Variants in SLC35G2 observed in about 807,000 individuals in gnomAD.
SLC35G2 encodes solute carrier family 35 member G2.
Under a neutral mutation model 27.2 loss-of-function variants are expected in SLC35G2, and 20 were observed. That is an observed-to-expected ratio of 0.74 (90% CI 0.52 to 1.07). The LOEUF is 1.07. Ranked by LOEUF, SLC35G2 falls within the 50% of genes least tolerant of loss-of-function variation. The probability of loss-of-function intolerance (pLI) is 0.00; values close to 1 mark genes in which losing one functional copy is unlikely to be tolerated. For synonymous variants in SLC35G2, 148 were observed against 165.3 expected (o/e 0.90, Z 0.80); for missense variants, 416 against 493.3 (o/e 0.84, Z 1.48).
At chr3:136,834,019 T>C (rs1413624382) in intron 1 of SLC35G2, among the ~76,000 whole-genome samples, 4 of 151,812 alleles carry the variant, frequency 2.6e-5, no homozygotes, top group African/African-American at 9.7e-5. Flanking sequence ...TTATTAAATA[T>C]ATGTTAATAT....
Position 136,855,326 on chromosome 3 carries a change from T to C in SLC35G2, c.866T>C (p.Phe289Ser). Residue 289 changes from phenylalanine to serine, a missense_variant, in exon 2 of 2, where the codon TTT becomes TCT. Transcript: ENST00000446465. Reference protein sequence around the residue: ...KEKISMWTALFTFGWTGTIWG... With the variant: ...KEKISMWTALSTFGWTGTIWG... ...AAGATCAGCATGTGGACTGCACTGTTTACTTTTGGTTGGACTGGGACAATT... is the reference window on the plus strand; with the variant it reads ...AAGATCAGCATGTGGACTGCACTGTCTACTTTTGGTTGGACTGGGACAATT... 1 of 1,614,204 alleles carries C rather than the reference T, an allele frequency of 6.2e-7. No individual in the cohort carries two copies. The highest frequency in any genetic ancestry group is 8.5e-7 in the Non-Finnish European group (1 of 1,180,016).
At chr3:136,833,773 T>C (rs1454244157) in intron 1 of SLC35G2, among the ~76,000 whole-genome samples, 1 of 152,132 alleles carries the variant, frequency 6.6e-6, no homozygotes, top group East Asian at 1.9e-4. Context: ...GGCCACAGAC[T>C]AGTACTAGTT....
At position 136,855,395 on chromosome 3, in the gene SLC35G2, C is replaced by T. The variant is rs749898225; in HGVS notation, c.935C>T (p.Pro312Leu). ...TTTATTCTTCAAGAACCCATCATCC[C>T]ATTAGATGGAGAAACCTGGAGTTAT... ...TMFILQEPIIPLDGETWSYLI... is the reference protein window; with the variant it reads ...TMFILQEPIILLDGETWSYLI... Residue 312 changes from proline to leucine, a missense_variant, in exon 2 of 2, where the codon CCA becomes CTA. Pro to Leu is a moderately conservative substitution (Grantham distance 98). Coordinates refer to ENST00000446465, the MANE Select transcript of SLC35G2 (RefSeq NM_025246.3). 1 of 1,614,088 alleles carries T rather than the reference C, an allele frequency of 6.2e-7. No homozygotes were observed. Among genetic ancestry groups the T allele is most frequent in the Non-Finnish European group, 8.5e-7 (1 of 1,179,970 alleles).
intron 1 of SLC35G2, among the ~76,000 whole-genome samples, chr3:136,824,335 G>T (rs568510742): frequency 2.0e-5 from 3 of 152,082 alleles, no homozygotes; most frequent in African/African-American, 7.2e-5. Context: ...TAACAATATT[G>T]ATTCTTCCAA....
intron 1 of SLC35G2, among the ~76,000 whole-genome samples, chr3:136,835,099 C>T (rs1224926083): frequency 6.6e-6 from 1 of 152,214 alleles, no homozygotes; most frequent in Non-Finnish European, 1.5e-5. Flanking sequence ...TATAATTCCA[C>T]TATCTAATCC....
chr3:136,850,346 T>C (rs998094319), intron 1 of SLC35G2, among the ~76,000 whole-genome samples: 2 of 152,188 alleles, frequency 1.3e-5, no homozygotes, highest in South Asian at 2.1e-4. Flanking sequence ...TGGGTTGTTT[T>C]AGTAGTATGT....
intron 1 of SLC35G2, among the ~76,000 whole-genome samples, chr3:136,831,244 A>T (rs1340227453): frequency 6.6e-6 from 1 of 152,168 alleles, no homozygotes; most frequent in Admixed American, 6.6e-5. Context: ...CAGTTAGGAG[A>T]TACAAGATAG....
At chr3:136,832,541 ATTAACAT>A (rs1936756141) in intron 1 of SLC35G2, among the ~76,000 whole-genome samples, 2 of 152,214 alleles carry the variant, frequency 1.3e-5, no homozygotes, top group South Asian at 2.1e-4. Flanking sequence ...TTTCTCACCC[ATTAACAT>A]TTAAGTTCCT....
chr3:136,828,973 C>T (rs887186911), intron 1 of SLC35G2, among the ~76,000 whole-genome samples: 8 of 152,142 alleles, frequency 5.3e-5, no homozygotes, highest in African/African-American at 1.9e-4. Context: ...CTGATGACAA[C>T]AAAGATTGCA....
intron 1 of SLC35G2, among the ~76,000 whole-genome samples, chr3:136,829,140 C>G (rs1160546818): frequency 6.6e-6 from 1 of 152,058 alleles, no homozygotes; most frequent in East Asian, 1.9e-4. Context: ...TACATAAGAG[C>G]AGTTTACACA....
chr3:136,849,870 CGCGGCGG>C (rs1396453820), intron 1 of SLC35G2, among the ~76,000 whole-genome samples: 4 of 150,736 alleles, frequency 2.7e-5, no homozygotes, highest in Non-Finnish European at 5.9e-5. Flanking sequence ...TTCGGGAAGC[CGCGGCGG>C]GCGGATCACT....
At chr3:136,842,006 A>G (rs937696230) in intron 1 of SLC35G2, 2 of 152,188 alleles carry the variant, frequency 1.3e-5, no homozygotes, top group South Asian at 4.1e-4. Flanking sequence ...ACAGGATTTA[A>G]TAAGTTGTCT....
chr3:136,827,235 CAG>C (rs1936609747), intron 1 of SLC35G2, among the ~76,000 whole-genome samples: 1 of 149,936 alleles, frequency 6.7e-6, no homozygotes, highest in Non-Finnish European at 1.5e-5. Context: ...TCCTTTTAAA[CAG>C]AGTCTTGCTC....
At chr3:136,847,191 TAATA>T (rs1355721939) in intron 1 of SLC35G2, among the ~76,000 whole-genome samples, 15 of 151,496 alleles carry the variant, frequency 9.9e-5, no homozygotes, top group Non-Finnish European at 1.8e-4. Context: ...AATAAATAAA[TAATA>T]AATAAATAAA....
chr3:136,832,092 C>A (rs1322082135), intron 1 of SLC35G2, among the ~76,000 whole-genome samples: 1 of 152,002 alleles, frequency 6.6e-6, no homozygotes, highest in Non-Finnish European at 1.5e-5. Flanking sequence ...CGGCTCACTG[C>A]AAGCTCTGCC....
At chr3:136,826,889 C>A (rs1235550554) in intron 1 of SLC35G2, among the ~76,000 whole-genome samples, 1 of 152,046 alleles carries the variant, frequency 6.6e-6, no homozygotes, top group Non-Finnish European at 1.5e-5. Context: ...CTGCCTCACC[C>A]TCCCAAAGTG....
At chr3:136,831,050 A>G (rs189071801) in intron 1 of SLC35G2, among the ~76,000 whole-genome samples, 8 of 152,340 alleles carry the variant, frequency 5.3e-5, no homozygotes, top group South Asian at 4.1e-4. Context: ...TAGGAACTCA[A>G]TGGAGGAAAG....
At chr3:136,833,388 A>G (rs1330232221) in intron 1 of SLC35G2, among the ~76,000 whole-genome samples, 2 of 152,104 alleles carry the variant, frequency 1.3e-5, no homozygotes, top group East Asian at 1.9e-4. Flanking sequence ...CTGTTTTGAG[A>G]AGGAGTGTTT....
intron 1 of SLC35G2, among the ~76,000 whole-genome samples, chr3:136,828,425 A>G (rs960415816): frequency 6.6e-6 from 1 of 152,212 alleles, no homozygotes; most frequent in African/African-American, 2.4e-5. Context: ...AGCACTGGGT[A>G]CATATTTATT....
Sources: gnomAD v4.1 joint callset for allele counts (sites outside exome capture counted in the v4.1 genomes callset) on GRCh38, gnomAD v4.1.1 for gene constraint, MANE v1.5 for transcripts, NCBI Gene and HGNC (gene_info 2026-07-23, HGNC 2026-07-21) for gene names.